TIMM44: variants seen among roughly 807,000 people sequenced by gnomAD.
TIMM44 encodes translocase of inner mitochondrial membrane 44.
A neutral mutation model predicts 63.8 loss-of-function variants in TIMM44; 37 were observed. The ratio of observed to expected loss-of-function variants is 0.58; its 90% CI spans 0.45 to 0.76. The LOEUF (loss-of-function observed/expected upper bound fraction) is 0.76. Ranked by LOEUF, TIMM44 falls within the 30% of genes least tolerant of loss-of-function variation. The pLI is 0.00. For missense variants in TIMM44, 573 were observed against 603.8 expected (o/e 0.95, Z 0.54); for synonymous variants, 239 against 245.1 (o/e 0.98, Z 0.23).
rs1984018321 is a variant in TIMM44, at chr19:7,932,624, C to T, written c.987+3G>A. 6 of 1,613,206 alleles carry T rather than the reference C, an allele frequency of 3.7e-6. No homozygotes were observed. Among genetic ancestry groups the T allele is most frequent in the Non-Finnish European group, 5.1e-6 (6 of 1,179,994 alleles). Reference sequence around the variant, plus strand: ...GGAGGGGTCCTGGGGGTGTGGCACCCACCTCCAGGACATTGGGGATGATGT... The same window carrying T: ...GGAGGGGTCCTGGGGGTGTGGCACCTACCTCCAGGACATTGGGGATGATGT... On this transcript the variant is annotated splice_donor_region_variant and intron_variant, in intron 9 of 12. Transcript: ENST00000270538.
chr19:7,932,583 C>T, intron 9 of TIMM44, 44 bp downstream of exon 9: 1 of 1,606,760 alleles, frequency 6.2e-7, no homozygotes, highest in Non-Finnish European at 8.5e-7. Flanking sequence ...GTGGTGGAGC[C>T]AGGACCTGCC....
Position 7,927,256 on chromosome 19 carries a change from G to A in TIMM44, c.1290C>T (p.Asp430=), listed in dbSNP as rs771710174. 1 of 1,612,428 alleles carries A rather than the reference G, an allele frequency of 6.2e-7. No homozygotes were observed. Among genetic ancestry groups the A allele is most frequent in the Non-Finnish European group, 8.5e-7 (1 of 1,179,948 alleles). Residue 430 remains aspartate (D), a synonymous_variant, in exon 13 of 13, where the codon GAC becomes GAT. Transcript: ENST00000270538. The stretch of plus-strand genomic sequence containing the variant: ...GCCAGGCCGCGTAGGGGTTGAGCTC[G>A]TCCTGGTCTCGGCAGAGCGCCCACA... ...LYVWALCRDQ[D]ELNPYAAWRL...
rs1984032746 is a variant in TIMM44, at chr19:7,933,015, G to A, written c.770-83C>T. On this transcript the variant is annotated intron_variant, in intron 7 of 12. Coordinates refer to ENST00000270538, the MANE Select transcript of TIMM44 (RefSeq NM_006351.4). The surrounding 1 kb of genome is among the most constrained non-coding windows in gnomAD (Gnocchi z 4.3). ...CTCACAGCTTCTAGAGGCTCCCTGT[G>A]ACCCCTGCGGGATCCACCCTGACAC... The A allele has an allele frequency of 2.6e-6, 3 of 1,132,820 alleles. No individual in the cohort carries two copies. In the Admixed American group the frequency reaches 5.6e-5, roughly 21 times the overall value. 70.2% of individuals were successfully genotyped at this position (1,132,820 alleles called of 1,614,324 possible). A position where few individuals can be genotyped will look rare whatever the true frequency, so the allele number is the denominator to read the frequency against.
Position 7,933,310 on chromosome 19 carries a change from G to C in TIMM44, c.769+175C>G, listed in dbSNP as rs140229277. Among the ~76,000 whole-genome samples, 1,442 of 152,214 alleles carry C rather than the reference G, an allele frequency of 9.5e-3. 24 individuals carry two copies. The highest frequency in any genetic ancestry group is 0.033 in the African/African-American group (1,373 of 41,544). On this transcript the variant is annotated intron_variant, in intron 7 of 12. Coordinates refer to ENST00000270538, the MANE Select transcript of TIMM44 (RefSeq NM_006351.4). The surrounding 1 kb of genome is among the most constrained non-coding windows in gnomAD (Gnocchi z 4.3). The stretch of plus-strand genomic sequence containing the variant: ...TATGAGGGAGCACCTGGCTTCTGGC[G>C]GCAGAATCTACAGCCCCACCATCAT...
In TIMM44 at chr19:7,934,542, C is replaced by T. The variant is rs1176975495; in HGVS notation, c.394-304G>A. On this transcript the variant is annotated intron_variant, in intron 4 of 12. Transcript: ENST00000270538. The surrounding 1 kb of genome is among the most constrained non-coding windows in gnomAD (Gnocchi z 5.3). Reference sequence around the variant, plus strand: ...CGGCTTCCGGGATGCTGGCCCTGGGCTCTGGGTGAGACGCTGGGTCTGCTG... The same window carrying T: ...CGGCTTCCGGGATGCTGGCCCTGGGTTCTGGGTGAGACGCTGGGTCTGCTG... 6.6e-6 allele frequency among the ~76,000 whole-genome samples: 1 copy of T among 152,056 alleles called. No homozygotes were observed. The highest frequency in any genetic ancestry group is 1.5e-5 in the Non-Finnish European group (1 of 68,028).
chr19:7,931,648 G>C (rs138598198), intron 9 of TIMM44: 1 of 188,404 alleles, frequency 5.3e-6, no homozygotes, highest in East Asian at 1.5e-4. Flanking sequence ...TGGGGGCAGC[G>C]AGAGGGAGGG....
At chr19:7,936,994 C>T (rs1052674408) in intron 3 of TIMM44, among the ~76,000 whole-genome samples, 2 of 151,814 alleles carry the variant, frequency 1.3e-5, no homozygotes, top group African/African-American at 4.9e-5. Flanking sequence ...CCCAGCTACT[C>T]GGGAGGCTGA....
intron 2 of TIMM44, 92 bp from the exon 3 acceptor site, chr19:7,938,289 G>T: frequency 9.8e-7 from 1 of 1,019,106 alleles, no homozygotes; most frequent in Non-Finnish European, 1.4e-6. Flanking sequence ...TTTTTTAAAT[G>T]TTCTCTTTTC....
intron 9 of TIMM44, among the ~76,000 whole-genome samples, chr19:7,932,031 A>ATTC (rs1983999781): frequency 6.6e-6 from 1 of 152,224 alleles, no homozygotes; most frequent in African/African-American, 2.4e-5. Context: ...GCCTGGCCCG[A>ATTC]CTGGGCCGAA....
At chr19:7,931,984 GCCA>G (rs1035194172) in intron 9 of TIMM44, among the ~76,000 whole-genome samples, 5 of 152,242 alleles carry the variant, frequency 3.3e-5, no homozygotes, top group Non-Finnish European at 7.3e-5. Flanking sequence ...GGCCGGCGGG[GCCA>G]AGGATGGAGA....
chr19:7,941,688 G>C (rs1343476816), intron 1 of TIMM44, among the ~76,000 whole-genome samples: 1 of 151,958 alleles, frequency 6.6e-6, no homozygotes, highest in African/African-American at 2.4e-5. Context: ...AAGAGAAAAT[G>C]CTGTGTCTGT....
At position 7,931,145 on chromosome 19, in the gene TIMM44, T is replaced by C. The variant is rs1252948651; in HGVS notation, c.1031A>G (p.Tyr344Cys). The C allele has an allele frequency of 6.2e-7, 1 of 1,612,720 alleles. No homozygotes were observed. Among genetic ancestry groups the C allele is most frequent in the Non-Finnish European group, 8.5e-7 (1 of 1,179,578 alleles). The change falls in exon 10 of 13, where the codon TAT becomes TGT. Residue 344 changes from tyrosine to cysteine, a missense_variant. Physicochemically the swap from Tyr to Cys is radical, Grantham distance 194. Coordinates refer to ENST00000270538, the MANE Select transcript of TIMM44 (RefSeq NM_006351.4). ...AAGAAAGGAAGTACTCACAGCTTCA[T>C]AGCACCAGTCTTTGAGAATGTCAAG... Reference protein sequence around the residue: ...GELDILKDWCYEATYSQLAHP... With the variant: ...GELDILKDWCCEATYSQLAHP...
At chr19:7,930,303 CTT>C (rs71179159) in intron 10 of TIMM44, among the ~76,000 whole-genome samples, 163 of 109,498 alleles carry the variant, frequency 1.5e-3, no homozygotes, top group African/African-American at 5.0e-3. Context: ...ATGCTTGGCT[CTT>C]TTTTTTTTTT....
Position 7,942,472 on chromosome 19 carries a change from G to C in TIMM44, c.45+1135C>G, listed in dbSNP as rs1373326880. ...AAAAGCTCTGTGCAGGTCCTGTTCA[G>C]CTCGGCACCCTGTCACCCAGCACAG... On this transcript the variant is annotated intron_variant, in intron 1 of 12. Coordinates refer to ENST00000270538, the MANE Select transcript of TIMM44 (RefSeq NM_006351.4). 2.0e-5 allele frequency among the ~76,000 whole-genome samples: 3 copies of C among 151,748 alleles called. No homozygotes were observed. The East Asian group carries it at 5.8e-4, about 29-fold the overall frequency.
chr19:7,941,947 C>T (rs1354715820), intron 1 of TIMM44, among the ~76,000 whole-genome samples: 3 of 152,188 alleles, frequency 2.0e-5, no homozygotes, highest in Admixed American at 2.0e-4. Context: ...TGTGTTGCCC[C>T]AGGGACAACT....
intron 3 of TIMM44, among the ~76,000 whole-genome samples, chr19:7,935,780 AGCC>A (rs1023548195): frequency 7.1e-4 from 108 of 152,296 alleles, no homozygotes; most frequent in African/African-American, 2.5e-3. Flanking sequence ...TCCAGCCTCC[AGCC>A]ACCACAGCTT....
Position 7,937,995 on chromosome 19 carries a change from G to A in TIMM44, c.312+32C>T, listed in dbSNP as rs746929290. On this transcript the variant is annotated intron_variant, in intron 3 of 12. Coordinates refer to ENST00000270538, the MANE Select transcript of TIMM44 (RefSeq NM_006351.4). Reference sequence around the variant, plus strand: ...ATCGCACCACTACTCTCCAGCCTGGGTGAGGGAAAAAAAAGCAGCAAAGAA... The same window carrying A: ...ATCGCACCACTACTCTCCAGCCTGGATGAGGGAAAAAAAAGCAGCAAAGAA... 5.6e-6 allele frequency: 9 copies of A among 1,613,438 alleles called. No individual in the cohort carries two copies. In the South Asian group the frequency reaches 9.9e-5, roughly 18 times the overall value.
chr19:7,937,101 C>CA (rs926288051), intron 3 of TIMM44, among the ~76,000 whole-genome samples: 13 of 151,272 alleles, frequency 8.6e-5, no homozygotes, highest in Non-Finnish European at 1.5e-4. Context: ...GACTCTGCTT[C>CA]AAAAAACAAC....
intron 2 of TIMM44, among the ~76,000 whole-genome samples, chr19:7,940,856 C>A (rs1984288094): frequency 6.6e-6 from 1 of 152,078 alleles, no homozygotes; most frequent in Admixed American, 6.6e-5. Flanking sequence ...TTAGAGCCAA[C>A]ATAAAGGGCT....
Sources: allele counts gnomAD v4.1 joint callset (sites outside exome capture counted in the v4.1 genomes callset), GRCh38; gene constraint gnomAD v4.1.1; non-coding constraint Gnocchi (gnomAD v3.1); transcripts MANE v1.5; gene names NCBI Gene and HGNC (gene_info 2026-07-23, HGNC 2026-07-21).